Variants in ITSN1 observed in about 807,000 individuals in gnomAD.
The protein encoded by ITSN1 is intersectin-1.
Under a neutral mutation model 239.8 loss-of-function variants are expected in ITSN1, and 58 were observed. The ratio of observed to expected loss-of-function variants is 0.24; its 90% confidence interval spans 0.20 to 0.30. The LOEUF (loss-of-function observed/expected upper bound fraction) is 0.30, where lower values mean the gene tolerates loss of function less well. Ranked by LOEUF, ITSN1 falls within the 10% of genes least tolerant of loss-of-function variation. The probability of loss-of-function intolerance (pLI) is 1.00; values close to 1 mark genes in which losing one functional copy is unlikely to be tolerated. For missense variants in ITSN1, 1,558 were observed against 2,103.3 expected, an observed-to-expected ratio of 0.74 and a Z score of 5.07; for synonymous variants, 780 against 770.8, an observed-to-expected ratio of 1.01 and a Z score of -0.20.
chr21:33,644,372 T>C (rs986334120), intron 1 of ITSN1, among the ~76,000 whole-genome samples: 6 of 152,232 alleles, frequency 3.9e-5, no homozygotes, highest in Non-Finnish European at 1.5e-5. Context: ...GTTAAAATTA[T>C]TTCAGACACC....
intron 2 of ITSN1, among the ~76,000 whole-genome samples, 197 bp downstream of exon 2, chr21:33,719,053 A>C (rs2065330045): frequency 6.6e-6 from 1 of 152,242 alleles, no homozygotes; most frequent in Non-Finnish European, 1.5e-5. Context: ...ACTCCCAGGC[A>C]TCATTTCATC....
At chr21:33,725,914 A>G (rs1252106610) in intron 4 of ITSN1, among the ~76,000 whole-genome samples, 4 of 152,192 alleles carry the variant, frequency 2.6e-5, no homozygotes, top group East Asian at 1.9e-4. Context: ...CTGCCTTTCA[A>G]CTGAGCTGAT....
chr21:33,648,943 A>G (rs1237769999), intron 1 of ITSN1, among the ~76,000 whole-genome samples: 1 of 152,244 alleles, frequency 6.6e-6, no homozygotes, highest in Non-Finnish European at 1.5e-5. Flanking sequence ...TCAACTGTCC[A>G]GCATTCATCC....
chr21:33,722,062 A>G (rs2065519938), intron 3 of ITSN1: 1 of 151,852 alleles, frequency 6.6e-6, no homozygotes, highest in Non-Finnish European at 1.5e-5. Flanking sequence ...ACCCACTACC[A>G]TGCCCAGCTT....
rs1178224263 is a variant in ITSN1 at position 33,893,750 on chromosome 21, T to A, written c.*5450T>A. The A allele has an allele frequency of 6.6e-6, 1 of 152,190 alleles. No individual in the cohort carries two copies. Among genetic ancestry groups the A allele is most frequent in the African/African-American group, 2.4e-5 (1 of 41,446 alleles). 9.4% of individuals were successfully genotyped at this position (152,190 alleles called of 1,614,324 possible). On this transcript the variant is annotated 3_prime_UTR_variant, in exon 40 of 40. Coordinates refer to ENST00000381318, the MANE Select transcript of ITSN1 (RefSeq NM_003024.3). ...TTTGAGCTAGAGGAAAGGAAAGTTC[T>A]AGAATTCCTGTTTCCTCAGCCTGCA... is the stretch of plus-strand genomic sequence containing the variant.
intron 16 of ITSN1, among the ~76,000 whole-genome samples, chr21:33,791,960 G>T (rs535739390): frequency 6.6e-6 from 1 of 152,138 alleles, no homozygotes; most frequent in Admixed American, 6.5e-5. Context: ...TCAGCTCAGG[G>T]TTATTTTGCT....
At chr21:33,834,787 G>A (rs1027908226) in intron 28 of ITSN1, among the ~76,000 whole-genome samples, 20 of 152,066 alleles carry the variant, frequency 1.3e-4, no homozygotes, top group African/African-American at 4.6e-4. Flanking sequence ...TAAACGGCTG[G>A]GGTCTCAGTA....
intron 1 of ITSN1, among the ~76,000 whole-genome samples, chr21:33,695,140 ACCTATGATACGCTTT>A (rs1252011450): frequency 6.6e-6 from 1 of 152,078 alleles, no homozygotes; most frequent in African/African-American, 2.4e-5. Flanking sequence ...TGATATACTT[ACCTATGATACGCTTT>A]CCAAAGGAGT....
At chr21:33,886,876 A>G (rs1042885167) in intron 39 of ITSN1, among the ~76,000 whole-genome samples, 2 of 152,210 alleles carry the variant, frequency 1.3e-5, no homozygotes, top group African/African-American at 4.8e-5. Flanking sequence ...TTTGGGTGGC[A>G]TTTTTGTACC....
intron 32 of ITSN1, among the ~76,000 whole-genome samples, chr21:33,866,988 G>A (rs1202469158): frequency 6.9e-6 from 1 of 144,810 alleles, no homozygotes; most frequent in Non-Finnish European, 1.5e-5. Context: ...TGGAGGGTAT[G>A]CTGAATCCAG....
At chr21:33,813,799 A>G (rs2073081059) in intron 21 of ITSN1, 114 bp from the exon 22 acceptor site, 2 of 815,950 alleles carry the variant, frequency 2.5e-6, no homozygotes, top group South Asian at 2.6e-5. Flanking sequence ...GTGGGTAAAA[A>G]GCTGGCATAT....
At position 33,725,794 on chromosome 21, in the gene ITSN1, C is replaced by A. The variant is rs565112076; in HGVS notation, c.185+3143C>A. On this transcript the variant is annotated intron_variant, in intron 4 of 39. Coordinates refer to ENST00000381318, the MANE Select transcript of ITSN1 (RefSeq NM_003024.3). ...TTTACTATCAAAAATGTCTGTAACT[C>A]TCTTTTCCCAAAAGAAATGTCTTTG... Among the ~76,000 whole-genome samples the A allele has an allele frequency of 1.3e-4, 20 of 152,256 alleles. No individual in the cohort carries two copies. The South Asian group carries it at 4.1e-3, about 32-fold the overall frequency.
At position 33,810,777 on chromosome 21, in the gene ITSN1, G is replaced by A. The variant is rs549569964; in HGVS notation, c.2320-198G>A. 27 of 742,460 alleles carry A rather than the reference G, an allele frequency of 3.6e-5. No individual in the cohort carries two copies. The African/African-American group carries it at 3.8e-4, about 11-fold the overall frequency. 46.0% of individuals were successfully genotyped at this position (742,460 alleles called of 1,614,324 possible). ...CTTTTTTAAAAAGTGCAGAGAATAAGAGCTTGAATTATAGTGCATTTTTTT... is the reference window on the plus strand; with the variant it reads ...CTTTTTTAAAAAGTGCAGAGAATAAAAGCTTGAATTATAGTGCATTTTTTT... On this transcript the variant is annotated intron_variant, in intron 20 of 39. Coordinates refer to ENST00000381318, the MANE Select transcript of ITSN1 (RefSeq NM_003024.3).
chr21:33,743,466 C>CAAA (rs2066989024), intron 5 of ITSN1, among the ~76,000 whole-genome samples: 1 of 151,884 alleles, frequency 6.6e-6, no homozygotes, highest in Non-Finnish European at 1.5e-5. Flanking sequence ...ACTAGGTCTC[C>CAAA]TAAATAAATA....
At chr21:33,794,584 C>G in intron 17 of ITSN1, 116 bp downstream of exon 17, 1 of 1,341,860 alleles carries the variant, frequency 7.5e-7, no homozygotes, top group Non-Finnish European at 1.0e-6. Flanking sequence ...CTTTAGTGTG[C>G]ATGTGAAGTG....
intron 1 of ITSN1, among the ~76,000 whole-genome samples, chr21:33,660,032 C>T (rs909098290): frequency 1.6e-4 from 25 of 152,154 alleles, no homozygotes; most frequent in South Asian, 6.2e-4. Flanking sequence ...ATGCTGAAGT[C>T]GGTGGCTTGA....
In ITSN1 at chr21:33,885,399, C is replaced by G. The variant is rs372507936; in HGVS notation, c.4760-40C>G. The G allele has an allele frequency of 6.4e-6, 10 of 1,552,806 alleles. No individual in the cohort carries two copies. In the East Asian group the frequency reaches 6.7e-5, roughly 10 times the overall value. On this transcript the variant is annotated intron_variant, in intron 37 of 39. Transcript: ENST00000381318. ...TCACAGAGATGGGAAAGGTGTGGCA[C>G]GTTCAAATGAAGCATTTTGTGTTTT... is the stretch of plus-strand genomic sequence containing the variant.
At chr21:33,709,311 A>T (rs2092344109) in intron 1 of ITSN1, among the ~76,000 whole-genome samples, 1 of 152,152 alleles carries the variant, frequency 6.6e-6, no homozygotes, top group African/African-American at 2.4e-5. Context: ...AATATTTTGT[A>T]GTTCTAAGTG....
rs1201971173 is a variant in ITSN1 at position 33,899,641 on chromosome 21, T to C, written c.*11341T>C. The C allele has an allele frequency of 6.6e-6, 1 of 152,238 alleles. No homozygotes were observed. The highest frequency in any genetic ancestry group is 2.4e-5 in the African/African-American group (1 of 41,466). 9.4% of individuals were successfully genotyped at this position (152,238 alleles called of 1,614,324 possible). A position where few individuals can be genotyped will look rare whatever the true frequency, so the allele number is the denominator to read the frequency against. Reference sequence around the variant, plus strand: ...GTTTGAGTGTTCCTTTGGCAACTTATTATGTGTGAAATGTTAAATTTTACC... The same window carrying C: ...GTTTGAGTGTTCCTTTGGCAACTTACTATGTGTGAAATGTTAAATTTTACC... On this transcript the variant is annotated 3_prime_UTR_variant, in exon 40 of 40. Transcript: ENST00000381318.
Sources: allele counts gnomAD v4.1 joint callset (sites outside exome capture counted in the v4.1 genomes callset), GRCh38; gene constraint gnomAD v4.1.1; transcripts MANE v1.5; gene names NCBI Gene and HGNC (gene_info 2026-07-23, HGNC 2026-07-21).